The following KLHL32 variants were observed in gnomAD, a reference collection of about 807,000 sequenced individuals.
KLHL32 encodes kelch like family member 32.
In KLHL32, 35 loss-of-function variants were observed where a neutral mutation model predicts 64.8. The observed-to-expected ratio is 0.54, with a 90% CI of 0.41 to 0.72. The LOEUF (loss-of-function observed/expected upper bound fraction) is 0.72, where lower values mean the gene tolerates loss of function less well. Ranked by LOEUF, KLHL32 falls within the 30% of genes least tolerant of loss-of-function variation. The pLI, the probability that KLHL32 is intolerant of heterozygous loss-of-function variation, is 0.00. For missense variants in KLHL32, 589 were observed against 768.5 expected (o/e 0.77, Z 2.76); for synonymous variants, 259 against 281.0 (o/e 0.92, Z 0.78).
intron 3 of KLHL32, chr6:97,025,057 TG>T: frequency 1.0e-6 from 1 of 985,200 alleles, no homozygotes; most frequent in Non-Finnish European, 1.2e-6. Flanking sequence ...ATAAAGCTGA[TG>T]GAATTTTTAA....
intron 6 of KLHL32, among the ~76,000 whole-genome samples, chr6:97,085,571 A>C (rs1582975668): frequency 6.6e-6 from 1 of 152,210 alleles, no homozygotes; most frequent in East Asian, 1.9e-4. Context: ...GCAATCCATG[A>C]GACCCTCACT....
At chr6:96,936,546 T>G (rs1770625966) in intron 1 of KLHL32, among the ~76,000 whole-genome samples, 1 of 152,214 alleles carries the variant, frequency 6.6e-6, no homozygotes, top group South Asian at 2.1e-4. Context: ...TGGCTCTACC[T>G]TCAAAGTATA....
intron 4 of KLHL32, among the ~76,000 whole-genome samples, chr6:97,042,007 T>C (rs1197075333): frequency 6.6e-6 from 1 of 152,202 alleles, no homozygotes; most frequent in East Asian, 1.9e-4. Context: ...TGGTACCATG[T>C]CCTCCACATA....
chr6:97,101,189 G>GT (rs988453248), intron 6 of KLHL32, among the ~76,000 whole-genome samples: 3 of 151,918 alleles, frequency 2.0e-5, no homozygotes, highest in Non-Finnish European at 4.4e-5. Context: ...AAATTAAACA[G>GT]TTTTTTTAAA....
At chr6:97,010,951 G>C (rs1780331619) in intron 3 of KLHL32, among the ~76,000 whole-genome samples, 1 of 152,148 alleles carries the variant, frequency 6.6e-6, no homozygotes, top group Non-Finnish European at 1.5e-5. Context: ...AAATACCAGT[G>C]GATGTGTGGA....
At chr6:97,088,385 C>T (rs558938757) in intron 6 of KLHL32, among the ~76,000 whole-genome samples, 1 of 152,250 alleles carries the variant, frequency 6.6e-6, no homozygotes, top group South Asian at 2.1e-4. Flanking sequence ...GCCTTTGTGA[C>T]CTGGCAAATC....
At chr6:97,092,103 C>T in intron 6 of KLHL32, among the ~76,000 whole-genome samples, 1 of 152,030 alleles carries the variant, frequency 6.6e-6, no homozygotes, top group African/African-American at 2.4e-5. Flanking sequence ...GATTCTCCAG[C>T]CTCCGCCTCC....
At chr6:96,942,838 C>T (rs1290290697) in intron 1 of KLHL32, among the ~76,000 whole-genome samples, 1 of 152,092 alleles carries the variant, frequency 6.6e-6, no homozygotes, top group African/African-American at 2.4e-5. Flanking sequence ...TTTTATTGTC[C>T]TCATTCTGCA....
chr6:96,980,307 T>C (rs1776164985), intron 3 of KLHL32, among the ~76,000 whole-genome samples: 1 of 152,212 alleles, frequency 6.6e-6, no homozygotes, highest in Non-Finnish European at 1.5e-5. Context: ...TTGTCATAGA[T>C]GGCTCTTGTT....
At chr6:97,022,970 C>T (rs377610672) in intron 3 of KLHL32, among the ~76,000 whole-genome samples, 32 of 152,210 alleles carry the variant, frequency 2.1e-4, no homozygotes, top group Admixed American at 3.9e-4. Flanking sequence ...GTGGTAGGAG[C>T]GAGAAGAGAG....
chr6:96,959,263 A>T (rs1219686248), intron 1 of KLHL32, among the ~76,000 whole-genome samples: 1 of 152,006 alleles, frequency 6.6e-6, no homozygotes, highest in East Asian at 1.9e-4. Context: ...ACCATCCCAG[A>T]CCTGGAGGTA....
At chr6:97,105,980 G>C (rs1487108455) in intron 6 of KLHL32, among the ~76,000 whole-genome samples, 3 of 152,070 alleles carry the variant, frequency 2.0e-5, no homozygotes, top group Admixed American at 6.6e-5. Context: ...TGTATTTTCT[G>C]GAAATCGGAG....
At chr6:97,054,395 C>A (rs920660370) in intron 4 of KLHL32, among the ~76,000 whole-genome samples, 2 of 152,174 alleles carry the variant, frequency 1.3e-5, no homozygotes, top group African/African-American at 4.8e-5. Context: ...TAAGGACTTA[C>A]TAGTTGTTAG....
At chr6:96,911,255 T>C in the KLHL32 span, among the ~76,000 whole-genome samples, 1 of 152,298 alleles carries the variant, frequency 6.6e-6, no homozygotes, top group African/African-American at 2.4e-5. Flanking sequence ...ACTTTCCTGA[T>C]AGAAAATCTT....
In KLHL32 at chr6:97,100,346, A is replaced by T. The variant is rs1315585497; in HGVS notation, c.628-13437A>T. On this transcript the variant is annotated intron_variant, in intron 6 of 10. Coordinates refer to ENST00000369261, the MANE Select transcript of KLHL32 (RefSeq NM_052904.4). ...TACAGGTAGTCAGTGGTGCCATCAA[A>T]TTTATGTATATCCTTTGCAGCTCAC... is the stretch of plus-strand genomic sequence containing the variant. 2.0e-5 allele frequency among the ~76,000 whole-genome samples: 3 copies of T among 152,204 alleles called. No individual in the cohort carries two copies. The East Asian group carries it at 5.8e-4, about 29-fold the overall frequency.
intron 6 of KLHL32, among the ~76,000 whole-genome samples, chr6:97,112,723 G>C (rs1331314765): frequency 6.6e-6 from 1 of 151,634 alleles, no homozygotes; most frequent in Non-Finnish European, 1.5e-5. Flanking sequence ...GGGATTACAG[G>C]CGTGAGCCAC....
At chr6:97,036,549 G>A (rs777546535) in intron 3 of KLHL32, among the ~76,000 whole-genome samples, 9 of 152,214 alleles carry the variant, frequency 5.9e-5, no homozygotes, top group Non-Finnish European at 1.2e-4. Context: ...TACCTGAGGT[G>A]TGATGATGGG....
chr6:97,138,529 CAAAACA>C (rs71012582), intron 10 of KLHL32, among the ~76,000 whole-genome samples: 5,632 of 151,572 alleles, frequency 0.037, 108 homozygotes, highest in Middle Eastern at 0.071. Context: ...GACCCTGTCT[CAAAACA>C]AAAACAAAAA....
intron 4 of KLHL32, among the ~76,000 whole-genome samples, chr6:97,055,819 A>C (rs917933608): frequency 6.9e-6 from 1 of 145,966 alleles, no homozygotes; most frequent in African/African-American, 2.6e-5. Flanking sequence ...AAAAAAAAAA[A>C]AAACCCCTTC....
Sources: allele counts gnomAD v4.1 joint callset (sites outside exome capture counted in the v4.1 genomes callset), GRCh38; gene constraint gnomAD v4.1.1; transcripts MANE v1.5; gene names NCBI Gene and HGNC (gene_info 2026-07-23, HGNC 2026-07-21).